Variants in USP34 observed in about 807,000 individuals in gnomAD.
USP34 encodes the protein ubiquitin specific peptidase 34.
Under a neutral mutation model 460.3 loss-of-function variants are expected in USP34, and 70 were observed. The ratio of observed to expected loss-of-function variants is 0.15; its 90% CI spans 0.13 to 0.19. USP34 has a LOEUF of 0.19. Ranked by LOEUF, USP34 falls within the 10% of genes least tolerant of loss-of-function variation. The pLI is 1.00. For missense variants in USP34, 3,985 were observed against 4,236.2 expected, an observed-to-expected ratio of 0.94 and a Z score of 1.65; for synonymous variants, 1,647 against 1,405.3, an observed-to-expected ratio of 1.17 and a Z score of -3.85.
intron 10 of USP34, among the ~76,000 whole-genome samples, chr2:61,368,871 T>TA (rs1165078992): frequency 6.6e-6 from 1 of 151,528 alleles, no homozygotes; most frequent in Non-Finnish European, 1.5e-5. Flanking sequence ...AACTGAACAG[T>TA]AAAAACCACC....
Position 61,227,209 on chromosome 2 carries a change from C to T in USP34, c.7453G>A (p.Glu2485Lys). 2 of 1,610,910 alleles carry T rather than the reference C, an allele frequency of 1.2e-6. No homozygotes were observed. Among genetic ancestry groups the T allele is most frequent in the Non-Finnish European group, 1.7e-6 (2 of 1,178,466 alleles). Residue 2485 changes from glutamate to lysine, a missense_variant, in exon 62 of 80, where the codon GAA becomes AAA. Around this residue, in one of 14 missense-constraint regions of USP34, gnomAD observed 604 missense variants for 684.8 expected, o/e 0.88. Coordinates refer to ENST00000398571, the MANE Select transcript of USP34 (RefSeq NM_014709.4). ...TCCCCTTCTTCCTCTGATAACACTT[C>T]AACTTGAGGCTAAGTTGGAATAAAA... ...GTKGPENPQV[E>K]VLSEEEGEEE...
chr2:61,424,597 A>G (rs906044364), intron 1 of USP34, among the ~76,000 whole-genome samples: 1 of 152,234 alleles, frequency 6.6e-6, no homozygotes, highest in African/African-American at 2.4e-5. Context: ...GATCAAGAAA[A>G]GAAATGTTTC....
chr2:61,254,275 G>T (rs1688662693), intron 48 of USP34, among the ~76,000 whole-genome samples: 1 of 151,950 alleles, frequency 6.6e-6, no homozygotes, highest in Non-Finnish European at 1.5e-5. Context: ...TTCTTTCCTT[G>T]TCTCTCTTCT....
intron 20 of USP34, among the ~76,000 whole-genome samples, chr2:61,330,167 T>C (rs559380656): frequency 1.3e-5 from 2 of 152,216 alleles, no homozygotes; most frequent in Non-Finnish European, 2.9e-5. Flanking sequence ...CTCTATTCTT[T>C]GTGTGTGACG....
At chr2:61,448,364 A>T (rs1695177754) in intron 1 of USP34, among the ~76,000 whole-genome samples, 2 of 152,066 alleles carry the variant, frequency 1.3e-5, no homozygotes, top group Admixed American at 6.6e-5. Flanking sequence ...TCCCAGGAGG[A>T]TCACCTTAGC....
At chr2:61,447,384 A>T (rs1695151376) in intron 1 of USP34, among the ~76,000 whole-genome samples, 1 of 151,946 alleles carries the variant, frequency 6.6e-6, no homozygotes, top group African/African-American at 2.4e-5. Flanking sequence ...CTAAAATTTT[A>T]ATTTTTCTAT....
chr2:61,467,500 G>T (rs915960663), intron 1 of USP34, among the ~76,000 whole-genome samples: 9 of 151,658 alleles, frequency 5.9e-5, no homozygotes, highest in Non-Finnish European at 8.8e-5. Context: ...GCATGACCTG[G>T]AAACACACCA....
intron 6 of USP34, among the ~76,000 whole-genome samples, chr2:61,380,984 C>A (rs1042173464): frequency 2.0e-5 from 3 of 152,166 alleles, no homozygotes; most frequent in African/African-American, 7.2e-5. Context: ...CAAGTCAATA[C>A]AGATCAACAA....
rs568927718 is a variant in USP34, at chr2:61,309,035, A to AAACAAC, written c.3817+2499_3817+2504dup. Among the ~76,000 whole-genome samples the AAACAAC allele has an allele frequency of 3.1e-3, 466 of 151,394 alleles. 1 individual carries two copies. The highest frequency in any genetic ancestry group is 9.8e-3 in the African/African-American group (400 of 40,926). ...GGGTGACAGAGGGAGACTATCTCAA[A>AAACAAC]AACAACAACAACAACAACAACAACA... is the stretch of plus-strand genomic sequence containing the variant. On this transcript the variant is annotated intron_variant, in intron 27 of 79. Transcript: ENST00000398571.
chr2:61,344,050 CAA>C (rs769541513), intron 15 of USP34, 21 bp from the exon 16 acceptor site: 92 of 1,605,176 alleles, frequency 5.7e-5, no homozygotes, highest in Non-Finnish European at 7.0e-5. Context: ...GAGAAAAGCA[CAA>C]AGTTAGTAAT....
intron 69 of USP34, among the ~76,000 whole-genome samples, chr2:61,210,846 G>C (rs911349507): frequency 1.3e-5 from 2 of 152,176 alleles, no homozygotes; most frequent in Non-Finnish European, 2.9e-5. Context: ...GAGGAGCTGG[G>C]ACTACAGGTG....
At chr2:61,343,458 T>C (rs1384160038) in intron 16 of USP34, among the ~76,000 whole-genome samples, 1 of 152,214 alleles carries the variant, frequency 6.6e-6, no homozygotes, top group Non-Finnish European at 1.5e-5. Flanking sequence ...AATGGAATCA[T>C]ACAATTTTAT....
At chr2:61,427,575 C>G (rs1367248344) in intron 1 of USP34, among the ~76,000 whole-genome samples, 1 of 152,144 alleles carries the variant, frequency 6.6e-6, no homozygotes, top group African/African-American at 2.4e-5. Context: ...TGAGGAAACT[C>G]AAAGAAATTC....
chr2:61,459,666 A>C (rs1290242241), intron 1 of USP34, among the ~76,000 whole-genome samples: 1 of 151,616 alleles, frequency 6.6e-6, no homozygotes, highest in Non-Finnish European at 1.5e-5. Flanking sequence ...AATCCCAGCT[A>C]CTCAGGAGGC....
At chr2:61,290,488 A>G (rs1689817065) in intron 33 of USP34, among the ~76,000 whole-genome samples, 1 of 152,178 alleles carries the variant, frequency 6.6e-6, no homozygotes, top group South Asian at 2.1e-4. Context: ...TACAACGAAT[A>G]TATTACTCAG....
intron 33 of USP34, among the ~76,000 whole-genome samples, chr2:61,289,650 T>C (rs1287647581): frequency 6.6e-6 from 1 of 152,038 alleles, no homozygotes; most frequent in Non-Finnish European, 1.5e-5. Context: ...ATACCTATAC[T>C]ATATTACTGA....
At chr2:61,444,921 C>CG in intron 1 of USP34, among the ~76,000 whole-genome samples, 1 of 137,990 alleles carries the variant, frequency 7.2e-6, no homozygotes, top group East Asian at 2.1e-4. Flanking sequence ...TCCTTAACAC[C>CG]AAAAAAAAAA....
At chr2:61,299,510 T>C (rs1690152138) in intron 29 of USP34, among the ~76,000 whole-genome samples, 1 of 152,162 alleles carries the variant, frequency 6.6e-6, no homozygotes, top group African/African-American at 2.4e-5. Flanking sequence ...CCCAGCACTT[T>C]AGGAGGCTGA....
intron 1 of USP34, among the ~76,000 whole-genome samples, chr2:61,425,780 A>C (rs149934614): frequency 1.2e-3 from 187 of 152,252 alleles, no homozygotes; most frequent in Middle Eastern, 6.8e-3. Context: ...GGAATGAGAC[A>C]TACTGAGACA....
Sources: allele counts gnomAD v4.1 joint callset (sites outside exome capture counted in the v4.1 genomes callset), GRCh38; gene constraint gnomAD v4.1.1; regional missense constraint gnomAD v4.1.1; transcripts MANE v1.5; gene names NCBI Gene and HGNC (gene_info 2026-07-23, HGNC 2026-07-21).